The following NTRK1 variants were observed in gnomAD, a reference collection of about 807,000 sequenced individuals.
NTRK1 encodes the protein high affinity nerve growth factor receptor.
In NTRK1, 62 loss-of-function variants were observed where a neutral mutation model predicts 86.8. The observed-to-expected ratio is 0.71, with a 90% confidence interval of 0.58 to 0.88. The LOEUF (loss-of-function observed/expected upper bound fraction) is 0.88. Among genes scored for constraint, NTRK1 ranks in the 40% least tolerant of loss-of-function variants. NTRK1 has a pLI of 0.00. For synonymous variants in NTRK1, 469 were observed against 456.6 expected (o/e 1.03, Z -0.35); for missense variants, 967 against 1,078.4 (o/e 0.90, Z 1.45).
chr1:156,842,809 C>T (rs1654846967), intron 2 of NTRK1, among the ~76,000 whole-genome samples: 1 of 152,172 alleles, frequency 6.6e-6, no homozygotes, highest in African/African-American at 2.4e-5. Flanking sequence ...CAGCCCTAGC[C>T]ATGACTCTAC....
intron 2 of NTRK1, chr1:156,849,318 C>A (rs1447108891): frequency 6.2e-7 from 1 of 1,613,964 alleles, no homozygotes; most frequent in Non-Finnish European, 8.5e-7. Flanking sequence ...CCTGTCACCT[C>A]CTCCAGTCGG....
chr1:156,844,751 C>A, intron 2 of NTRK1: 2 of 1,614,068 alleles, frequency 1.2e-6, no homozygotes, highest in South Asian at 2.2e-5. Flanking sequence ...AGGATGAGTC[C>A]GTTGGGGTCT....
In NTRK1 at chr1:156,868,210, G is replaced by A. The variant is rs1647286736; in HGVS notation, c.535G>A (p.Gly179Arg). Residue 179 changes from glycine (G) to arginine (R), a missense_variant, in exon 5 of 17, where the codon GGG (glycine) becomes AGG (arginine). Around this residue, in one of 2 missense-constraint regions of NTRK1, gnomAD observed 330 missense variants for 302.0 expected, o/e 1.09. Transcript: ENST00000524377. ...GVPEQKLQCH[G>R]QGPLAHMPNA... ...GCCTGAACAGAAGCTGCAGTGTCAT[G>A]GGCAAGGGCCCCTGGCCCACATGCC... is the stretch of plus-strand genomic sequence containing the variant. 2.5e-6 allele frequency: 4 copies of A among 1,612,740 alleles called. No homozygotes were observed. The highest frequency in any genetic ancestry group is 4.5e-5 in the East Asian group (2 of 44,880).
chr1:156,837,720 TCTTAGCCCTCAACAG>T (rs1301726001), intron 1 of NTRK1: 1 of 152,226 alleles, frequency 6.6e-6, no homozygotes, highest in Non-Finnish European at 1.5e-5. Context: ...TCCCCCTTGT[TCTTAGCCCTCAACAG>T]AAAGTGCGAG....
intron 14 of NTRK1, among the ~76,000 whole-genome samples, chr1:156,877,499 C>T (rs1647992962): frequency 1.3e-5 from 2 of 152,248 alleles, no homozygotes; most frequent in African/African-American, 2.4e-5. Context: ...AGAGCCCCTA[C>T]TCTCAGCCCC....
At chr1:156,865,121 C>T (rs571433179) in intron 3 of NTRK1, 185 of 398,774 alleles carry the variant, frequency 4.6e-4, no homozygotes, top group African/African-American at 3.6e-3. Context: ...GAGCAGGACT[C>T]CTGGGTTCTG....
chr1:156,874,470 C>A (rs368018354), intron 9 of NTRK1, 70 bp downstream of exon 9: 14 of 1,611,448 alleles, frequency 8.7e-6, no homozygotes, highest in Non-Finnish European at 1.2e-5. Context: ...GAGGGTACAG[C>A]TGAACTGATC....
At chr1:156,881,385 G>A (rs2102930112) in intron 16 of NTRK1, 72 bp from the exon 17 acceptor site, 1 of 1,453,336 alleles carries the variant, frequency 6.9e-7, no homozygotes, top group Non-Finnish European at 9.3e-7. Context: ...CTCAGTGAGG[G>A]CACTGGGACT....
upstream of NTRK1, chr1:156,860,856 C>T: frequency 7.3e-7 from 1 of 1,377,094 alleles, no homozygotes; most frequent in Non-Finnish European, 9.3e-7. Context: ...GCCCAGCGCA[C>T]ATGTCGGGGG....
chr1:156,845,510 C>T (rs1456011788), intron 2 of NTRK1: 2 of 1,484,844 alleles, frequency 1.3e-6, no homozygotes, highest in African/African-American at 2.8e-5. Context: ...CAACCCGGGA[C>T]CCGCCCACAC....
intron 6 of NTRK1, 97 bp downstream of exon 6, chr1:156,868,744 C>T (rs971930729): frequency 9.0e-5 from 134 of 1,494,632 alleles, no homozygotes; most frequent in Middle Eastern, 1.9e-4. Flanking sequence ...AAAGAGACAA[C>T]GAATAAGGAG....
rs986136491 is a variant in NTRK1 at position 156,816,061 on chromosome 1, G to A, written c.-64+223G>A. 1.2e-5 allele frequency: 20 copies of A among 1,613,986 alleles called. No individual in the cohort carries two copies. Among genetic ancestry groups the A allele is most frequent in the Non-Finnish European group, 1.7e-5 (20 of 1,179,964 alleles). On this transcript the variant is annotated intron_variant, in intron 1 of 16. Transcript: ENST00000392302. ...GCGGGTCATGTCTGTGATCTGGAAG[G>A]TGCTGAAGGTTGGGATGGGGGCTTC...
At chr1:156,877,642 T>C (rs1648001797) in intron 14 of NTRK1, among the ~76,000 whole-genome samples, 1 of 152,250 alleles carries the variant, frequency 6.6e-6, no homozygotes, top group South Asian at 2.1e-4. Context: ...AGCTGAGCCT[T>C]CTTTGCCAAG....
Position 156,879,368 on chromosome 1 carries a change from G to T in NTRK1, c.2046+6G>T, listed in dbSNP as rs776166825. The T allele has an allele frequency of 8.8e-6, 14 of 1,595,838 alleles. No homozygotes were observed. Among genetic ancestry groups the T allele is most frequent in the Non-Finnish European group, 7.7e-6 (9 of 1,174,176 alleles). On this transcript the variant is annotated splice_donor_region_variant and intron_variant, in intron 15 of 16. Transcript: ENST00000524377. ...ACAGCACCGACTATTACCGTGTAAG[G>T]GTCCTTTGTCCCCAACGCCTTCCCC...
At chr1:156,855,906 C>T (rs1035459027), upstream of NTRK1, among the ~76,000 whole-genome samples, 1 of 151,792 alleles carries the variant, frequency 6.6e-6, no homozygotes, top group African/African-American at 2.4e-5. Flanking sequence ...ATTCTTAACA[C>T]TGACTAATGT....
chr1:156,848,885 TCCCGCCCCCGCTCCGGC>T, intron 2 of NTRK1: 5 of 1,545,828 alleles, frequency 3.2e-6, no homozygotes, highest in Non-Finnish European at 4.4e-6. Flanking sequence ...CCTCGTCCGG[TCCCGCCCCCGCTCCGGC>T]CCCGCCCCCG....
intron 1 of NTRK1, among the ~76,000 whole-genome samples, chr1:156,821,693 T>C (rs79888291): frequency 0.033 from 5,060 of 152,312 alleles, 330 homozygotes; most frequent in African/African-American, 0.12. Flanking sequence ...CAAAGTGCAG[T>C]GGCCAGTTGC....
At chr1:156,875,901 G>C (rs1647873365) in intron 12 of NTRK1, 179 bp from the exon 13 acceptor site, 1 of 1,133,462 alleles carries the variant, frequency 8.8e-7, no homozygotes, top group African/African-American at 1.5e-5. Flanking sequence ...TCTCGGGGCA[G>C]GTGCAGCCCC....
chr1:156,855,397 G>A (rs1655375288), intron 2 of NTRK1, among the ~76,000 whole-genome samples: 1 of 152,106 alleles, frequency 6.6e-6, no homozygotes, highest in Non-Finnish European at 1.5e-5. Context: ...TAGAGGCAAG[G>A]TTTTACCATG....
Sources: gnomAD v4.1 joint callset for allele counts (sites outside exome capture counted in the v4.1 genomes callset) on GRCh38, gnomAD v4.1.1 for gene constraint, gnomAD v4.1.1 regional missense constraint, MANE v1.5 for transcripts, NCBI Gene and HGNC (gene_info 2026-07-23, HGNC 2026-07-21) for gene names.